EML6: variants seen among roughly 807,000 people sequenced by gnomAD.
The protein encoded by EML6 is echinoderm microtubule-associated protein-like 6.
In EML6, 154 loss-of-function variants were observed where a neutral mutation model predicts 240.1. The observed-to-expected ratio is 0.64, with a 90% confidence interval of 0.56 to 0.73. The LOEUF is 0.73. EML6 is among the 30% of genes least tolerant of loss of function. The pLI, the probability that EML6 is intolerant of heterozygous loss-of-function variation, is 0.00. For missense variants in EML6, 2,964 were observed against 2,474.6 expected (o/e 1.20, Z -4.20); for synonymous variants, 1,148 against 899.0 (o/e 1.28, Z -4.95).
chr2:54,817,281 C>G (rs191128852), intron 4 of EML6, among the ~76,000 whole-genome samples: 30 of 152,250 alleles, frequency 2.0e-4, no homozygotes, highest in African/African-American at 7.2e-4. Context: ...ATGACAACTT[C>G]GTGATTCTTT....
chr2:54,873,459 C>T (rs1322506650), intron 16 of EML6, among the ~76,000 whole-genome samples: 1 of 152,190 alleles, frequency 6.6e-6, no homozygotes, highest in East Asian at 1.9e-4. Context: ...ATACAAAGTC[C>T]AAACTCCCGG....
At chr2:54,860,440 A>G (rs1440558212) in intron 12 of EML6, among the ~76,000 whole-genome samples, 1 of 152,116 alleles carries the variant, frequency 6.6e-6, no homozygotes, top group East Asian at 1.9e-4. Flanking sequence ...ACATTTCCGG[A>G]GGCTACTTGG....
chr2:54,777,271 T>C (rs1425033197), intron 2 of EML6, among the ~76,000 whole-genome samples: 1 of 151,442 alleles, frequency 6.6e-6, no homozygotes, highest in African/African-American at 2.4e-5. Flanking sequence ...AGGGTGGGGG[T>C]GGAGGAGTTG....
Position 54,969,014 on chromosome 2 carries a change from G to A in EML6, c.5852+246G>A, listed in dbSNP as rs545508228. Among the ~76,000 whole-genome samples the A allele has an allele frequency of 2.6e-5, 4 of 152,312 alleles. No individual in the cohort carries two copies. The East Asian group carries it at 5.8e-4, about 22-fold the overall frequency. On this transcript the variant is annotated intron_variant, in intron 41 of 41. Coordinates refer to ENST00000356458, the MANE Select transcript of EML6 (RefSeq NM_001039753.4). ...CCTGGGATGGCATGGGCATGTGATA[G>A]CTACTCTGGGCACTGCTGGGGGAAA...
At chr2:54,735,856 A>G (rs554379502) in intron 2 of EML6, among the ~76,000 whole-genome samples, 1 of 152,330 alleles carries the variant, frequency 6.6e-6, no homozygotes, top group African/African-American at 2.4e-5. Flanking sequence ...TGCCAGCTCT[A>G]ACTAAATTTG....
chr2:54,855,898 A>G (rs1670349532), intron 11 of EML6, among the ~76,000 whole-genome samples: 1 of 152,220 alleles, frequency 6.6e-6, no homozygotes, highest in South Asian at 2.1e-4. Context: ...AATTTAGGTG[A>G]CAAGGTACAA....
chr2:54,733,977 A>G lies in EML6; in HGVS notation c.197+8719A>G, dbSNP rs1462935372. 4.6e-5 allele frequency among the ~76,000 whole-genome samples: 7 copies of G among 152,214 alleles called. No homozygotes were observed. The East Asian group carries it at 1.3e-3, about 29-fold the overall frequency. On this transcript the variant is annotated intron_variant, in intron 2 of 41. Coordinates refer to ENST00000356458, the MANE Select transcript of EML6 (RefSeq NM_001039753.4). ...TCTTGATGCACAGAAAAGGACAGTG[A>G]TGAGAAATACTGAGTTGAGGACAAG...
chr2:54,813,052 C>G (rs994103897), intron 2 of EML6, among the ~76,000 whole-genome samples, 180 bp from the exon 3 acceptor site: 1 of 152,148 alleles, frequency 6.6e-6, no homozygotes, highest in African/African-American at 2.4e-5. Context: ...TGCTAAGCCT[C>G]TCTGCTAAAG....
At chr2:54,928,272 A>T in intron 26 of EML6, 41 bp from the exon 27 acceptor site, 1 of 1,450,788 alleles carries the variant, frequency 6.9e-7, no homozygotes, top group Non-Finnish European at 9.5e-7. Context: ...AGAGAAAGGA[A>T]TAACAGTGGC....
At chr2:54,957,756 T>C in intron 32 of EML6, 34 bp from the exon 33 acceptor site, 3 of 1,544,640 alleles carry the variant, frequency 1.9e-6, no homozygotes, top group Non-Finnish European at 2.6e-6. Context: ...CATGAAGCAA[T>C]GAGGAGCCTC....
intron 18 of EML6, 21 bp downstream of exon 18, chr2:54,891,175 C>G: frequency 8.2e-7 from 1 of 1,216,238 alleles, no homozygotes; most frequent in South Asian, 1.5e-5. Context: ...TTGGGTTTAT[C>G]ATTTATGTGA....
At chr2:54,886,461 C>T (rs916748328) in intron 17 of EML6, among the ~76,000 whole-genome samples, 4 of 152,126 alleles carry the variant, frequency 2.6e-5, no homozygotes, top group African/African-American at 9.7e-5. Flanking sequence ...TGCGCCACCG[C>T]GTCTGGCCTC....
intron 2 of EML6, among the ~76,000 whole-genome samples, chr2:54,745,302 G>C (rs1407217891): frequency 6.6e-6 from 1 of 152,158 alleles, no homozygotes; most frequent in East Asian, 1.9e-4. Context: ...TTGACTGCAG[G>C]TCTGATCTTC....
intron 2 of EML6, among the ~76,000 whole-genome samples, chr2:54,768,257 GTACT>G (rs1187663830): frequency 1.3e-5 from 2 of 151,934 alleles, no homozygotes; most frequent in Non-Finnish European, 2.9e-5. Context: ...ATTCCTTTAT[GTACT>G]TACTTTTTAG....
At chr2:54,756,946 C>T (rs1237922548) in intron 2 of EML6, among the ~76,000 whole-genome samples, 1 of 151,492 alleles carries the variant, frequency 6.6e-6, no homozygotes, top group African/African-American at 2.4e-5. Flanking sequence ...TAATTGTAAT[C>T]CTATTTTCCT....
chr2:54,794,339 G>A (rs1049554371), intron 2 of EML6, among the ~76,000 whole-genome samples: 5 of 152,026 alleles, frequency 3.3e-5, no homozygotes, highest in Admixed American at 6.6e-5. Flanking sequence ...GATTTCTATC[G>A]CCCTTTTCTC....
intron 28 of EML6, among the ~76,000 whole-genome samples, chr2:54,939,521 G>C (rs1003300577): frequency 1.3e-5 from 2 of 152,200 alleles, no homozygotes; most frequent in Non-Finnish European, 2.9e-5. Context: ...CCAAGTACCA[G>C]TAGCCCCTTG....
Position 54,892,664 on chromosome 2 carries a change from C to T in EML6, c.2742+8C>T. 6.5e-7 allele frequency: 1 copy of T among 1,546,640 alleles called. No individual in the cohort carries two copies. The highest frequency in any genetic ancestry group is 8.7e-7 in the Non-Finnish European group (1 of 1,143,582). ...ATGTATGCACTGGATAAGGTATGGCCTGTGTATCAGCATTCATTTTCCTCA... is the reference window on the plus strand; with the variant it reads ...ATGTATGCACTGGATAAGGTATGGCTTGTGTATCAGCATTCATTTTCCTCA... On this transcript the variant is annotated splice_region_variant and intron_variant, in intron 19 of 41. Coordinates refer to ENST00000356458, the MANE Select transcript of EML6 (RefSeq NM_001039753.4).
intron 28 of EML6, among the ~76,000 whole-genome samples, chr2:54,939,230 T>C (rs889113014): frequency 7.2e-5 from 11 of 152,252 alleles, no homozygotes; most frequent in Non-Finnish European, 1.2e-4. Context: ...TCCCTGGTCA[T>C]CCTTCCAGCG....
Sources: gnomAD v4.1 joint callset for allele counts (sites outside exome capture counted in the v4.1 genomes callset) on GRCh38, gnomAD v4.1.1 for gene constraint, MANE v1.5 for transcripts, NCBI Gene and HGNC (gene_info 2026-07-23, HGNC 2026-07-21) for gene names.